IQCM: variants seen among roughly 807,000 people sequenced by gnomAD.
IQCM encodes IQ motif containing M, also known as IQ domain-containing protein M.
In IQCM, 45 loss-of-function variants were observed where a neutral mutation model predicts 57.6. That is an observed-to-expected ratio of 0.78 (90% CI 0.62 to 1.00). IQCM has a LOEUF of 1.00. Among genes scored for constraint, IQCM ranks in the 50% least tolerant of loss-of-function variants. IQCM has a pLI of 0.00. For synonymous variants in IQCM, 148 were observed against 158.9 expected (o/e 0.93, Z 0.51); for missense variants, 468 against 511.6 (o/e 0.91, Z 0.82).
At chr4:149,438,988 T>G (rs1173303470) in intron 12 of IQCM, among the ~76,000 whole-genome samples, 1 of 152,062 alleles carries the variant, frequency 6.6e-6, no homozygotes, top group African/African-American at 2.4e-5. Flanking sequence ...AAAATGAGGT[T>G]ATGAATTATT....
At chr4:149,725,140 T>G (rs1455131099) in intron 5 of IQCM, among the ~76,000 whole-genome samples, 1 of 152,182 alleles carries the variant, frequency 6.6e-6, no homozygotes. Context: ...TACAGGGTAT[T>G]CTTTAAGTTG....
intron 5 of IQCM, 77 bp downstream of exon 5, chr4:149,733,167 T>C (rs1766619368): frequency 1.7e-6 from 2 of 1,164,192 alleles, no homozygotes; most frequent in Non-Finnish European, 2.2e-6. Flanking sequence ...AAAAAGAAAA[T>C]TCCATTACAG....
At chr4:149,799,730 G>A (rs973994447) in intron 2 of IQCM, among the ~76,000 whole-genome samples, 1 of 151,666 alleles carries the variant, frequency 6.6e-6, no homozygotes, top group African/African-American at 2.4e-5. Flanking sequence ...AAATCTAGAA[G>A]AAATGGACAG....
intron 2 of IQCM, among the ~76,000 whole-genome samples, chr4:149,758,220 T>G (rs1769172179): frequency 6.6e-6 from 1 of 152,046 alleles, no homozygotes; most frequent in Non-Finnish European, 1.5e-5. Flanking sequence ...TAAATAGGGA[T>G]CTATGGACAA....
intron 7 of IQCM, among the ~76,000 whole-genome samples, chr4:149,672,885 G>A (rs983251159): frequency 2.6e-5 from 4 of 152,198 alleles, no homozygotes; most frequent in Non-Finnish European, 5.9e-5. Context: ...GAGAAAGGTC[G>A]GGTTACCCAC....
At chr4:149,581,481 G>A (rs1752178045) in intron 9 of IQCM, among the ~76,000 whole-genome samples, 2 of 151,466 alleles carry the variant, frequency 1.3e-5, no homozygotes, top group African/African-American at 4.8e-5. Flanking sequence ...TAGGTGAAGA[G>A]AGAAAGAAAG....
chr4:149,709,690 T>C (rs1016275030), intron 5 of IQCM, among the ~76,000 whole-genome samples: 22 of 152,112 alleles, frequency 1.4e-4, no homozygotes, highest in African/African-American at 4.8e-4. Flanking sequence ...TCTAAGTAGA[T>C]GCAGTGATTT....
chr4:149,644,644 T>A (rs1381596757), intron 7 of IQCM, among the ~76,000 whole-genome samples: 4 of 152,218 alleles, frequency 2.6e-5, no homozygotes, highest in African/African-American at 4.8e-5. Context: ...TGAACATTCC[T>A]GTATGTTCAT....
At chr4:149,408,597 G>T (rs1307252071) in intron 13 of IQCM, among the ~76,000 whole-genome samples, 1 of 152,054 alleles carries the variant, frequency 6.6e-6, no homozygotes, top group Admixed American at 6.5e-5. Flanking sequence ...AAAGAACTTG[G>T]AAATTTGTTT....
chr4:149,775,753 A>T (rs1771030676), intron 2 of IQCM, among the ~76,000 whole-genome samples: 1 of 152,226 alleles, frequency 6.6e-6, no homozygotes, highest in Admixed American at 6.5e-5. Flanking sequence ...CAGCCAAGAT[A>T]ATGATGTTCA....
intron 13 of IQCM, among the ~76,000 whole-genome samples, chr4:149,381,664 C>T (rs1731085701): frequency 6.6e-6 from 1 of 152,010 alleles, no homozygotes; most frequent in African/African-American, 2.4e-5. Flanking sequence ...TGCATTTAAA[C>T]TAAAGTATCA....
chr4:149,671,908 C>G (rs1561136596), intron 7 of IQCM, among the ~76,000 whole-genome samples: 1 of 152,048 alleles, frequency 6.6e-6, no homozygotes, highest in African/African-American at 2.4e-5. Flanking sequence ...CTATGGGTGC[C>G]TCTCTGAGAC....
At chr4:149,550,771 T>A (rs951350337) in intron 11 of IQCM, among the ~76,000 whole-genome samples, 1 of 152,230 alleles carries the variant, frequency 6.6e-6, no homozygotes, top group African/African-American at 2.4e-5. Context: ...TGAAGAATTT[T>A]CTAAGTAACA....
intron 7 of IQCM, among the ~76,000 whole-genome samples, chr4:149,662,504 T>C (rs1760314862): frequency 6.6e-6 from 1 of 151,956 alleles, no homozygotes; most frequent in Non-Finnish European, 1.5e-5. Flanking sequence ...TTGTTGAAAG[T>C]TGGGTGTTAA....
At chr4:149,639,697 G>A (rs1758023178) in intron 7 of IQCM, among the ~76,000 whole-genome samples, 1 of 152,078 alleles carries the variant, frequency 6.6e-6, no homozygotes, top group East Asian at 1.9e-4. Flanking sequence ...GAGGTGGGTA[G>A]AACACTTGAT....
At chr4:149,742,609 T>G (rs1767560232) in intron 3 of IQCM, 46 bp downstream of exon 3, 1 of 1,134,738 alleles carries the variant, frequency 8.8e-7, no homozygotes, top group African/African-American at 1.6e-5. Flanking sequence ...TTAAAACAGT[T>G]GGAGTGTTAT....
intron 9 of IQCM, among the ~76,000 whole-genome samples, chr4:149,565,879 A>C (rs1398317604): frequency 1.3e-5 from 2 of 152,158 alleles, no homozygotes; most frequent in Non-Finnish European, 2.9e-5. Flanking sequence ...CTTTTGTATC[A>C]GTGGCTGATT....
At chr4:149,761,113 T>C (rs1299048995) in intron 2 of IQCM, among the ~76,000 whole-genome samples, 1 of 152,092 alleles carries the variant, frequency 6.6e-6, no homozygotes, top group East Asian at 1.9e-4. Context: ...CTTTGATACA[T>C]ACGCCAGCAC....
At chr4:149,509,715 A>T (rs1323428782) in intron 12 of IQCM, among the ~76,000 whole-genome samples, 1 of 152,156 alleles carries the variant, frequency 6.6e-6, no homozygotes, top group Non-Finnish European at 1.5e-5. Flanking sequence ...TTCACTGTGT[A>T]TATAAATATA....
Sources: gnomAD v4.1 joint callset for allele counts (sites outside exome capture counted in the v4.1 genomes callset) on GRCh38, gnomAD v4.1.1 for gene constraint, MANE v1.5 for transcripts, NCBI Gene and HGNC (gene_info 2026-07-23, HGNC 2026-07-21) for gene names.